IGFBP7: variants seen among roughly 807,000 people sequenced by gnomAD.
IGFBP7 encodes insulin like growth factor binding protein 7.
IGFBP7 carries 31 observed loss-of-function variants against 29.4 expected under a neutral mutation model. The observed-to-expected ratio is 1.05, with a 90% CI of 0.79 to 1.42. IGFBP7 has a LOEUF of 1.42. Among genes scored for constraint, IGFBP7 ranks in the 40% most tolerant of loss-of-function variants. The pLI is 0.00. For missense variants in IGFBP7, 393 were observed against 395.5 expected, an observed-to-expected ratio of 0.99 and a Z score of 0.05; for synonymous variants, 172 against 174.9, an observed-to-expected ratio of 0.98 and a Z score of 0.13.
chr4:57,109,253 C>T (rs1225199263), intron 1 of IGFBP7, among the ~76,000 whole-genome samples: 2 of 151,800 alleles, frequency 1.3e-5, no homozygotes, highest in Admixed American at 6.6e-5. Context: ...AACTCCGTCG[C>T]TATAAAACAA....
chr4:57,036,297 CAGG>C (rs1724084484), intron 2 of IGFBP7, among the ~76,000 whole-genome samples: 1 of 152,104 alleles, frequency 6.6e-6, no homozygotes, highest in Non-Finnish European at 1.5e-5. Flanking sequence ...TTACCTCAGG[CAGG>C]AGGAGGAGGT....
chr4:57,084,987 C>T (rs567415183), intron 1 of IGFBP7, among the ~76,000 whole-genome samples: 1 of 151,788 alleles, frequency 6.6e-6, no homozygotes, highest in South Asian at 2.1e-4. Flanking sequence ...CAGGGTCTCA[C>T]TATGTTGCCT....
At chr4:57,035,017 T>C (rs1008957183) in intron 2 of IGFBP7, among the ~76,000 whole-genome samples, 1 of 152,232 alleles carries the variant, frequency 6.6e-6, no homozygotes, top group African/African-American at 2.4e-5. Flanking sequence ...GGTAGAAGTA[T>C]TAATTTGATC....
intron 1 of IGFBP7, among the ~76,000 whole-genome samples, chr4:57,051,442 T>C (rs1447834645): frequency 1.3e-5 from 2 of 152,218 alleles, no homozygotes; most frequent in African/African-American, 4.8e-5. Context: ...TAAGGCAAAT[T>C]CATCTAGTTA....
At chr4:57,106,630 C>T (rs1439951314) in intron 1 of IGFBP7, among the ~76,000 whole-genome samples, 1 of 152,088 alleles carries the variant, frequency 6.6e-6, no homozygotes, top group East Asian at 1.9e-4. Flanking sequence ...AAGGGAGACC[C>T]TTAAGAATGA....
intron 1 of IGFBP7, among the ~76,000 whole-genome samples, chr4:57,050,347 C>A (rs2003274): frequency 6.6e-6 from 1 of 151,048 alleles, no homozygotes; most frequent in Non-Finnish European, 1.5e-5. Context: ...TGGGTTCAAG[C>A]GATTCTCCTG....
chr4:57,080,333 G>A (rs1725336368), intron 1 of IGFBP7, among the ~76,000 whole-genome samples: 2 of 152,280 alleles, frequency 1.3e-5, no homozygotes, highest in South Asian at 4.1e-4. Flanking sequence ...TCAAAGGAGG[G>A]AAATTGACAC....
At chr4:57,106,868 CA>C (rs1199096831) in intron 1 of IGFBP7, among the ~76,000 whole-genome samples, 4 of 152,150 alleles carry the variant, frequency 2.6e-5, no homozygotes, top group Non-Finnish European at 5.9e-5. Context: ...ATGGAATCTT[CA>C]AATTCCCCCT....
intron 1 of IGFBP7, among the ~76,000 whole-genome samples, chr4:57,082,568 A>T (rs11573040): frequency 6.6e-6 from 1 of 152,218 alleles, no homozygotes; most frequent in African/African-American, 2.4e-5. Context: ...GTTATGAGGA[A>T]TATCAATGAT....
intron 1 of IGFBP7, among the ~76,000 whole-genome samples, chr4:57,094,739 T>G (rs1239803092): frequency 6.6e-6 from 1 of 152,222 alleles, no homozygotes; most frequent in Non-Finnish European, 1.5e-5. Context: ...CTCGGAATCC[T>G]TGGTAGTTCT....
chr4:57,055,388 T>C (rs1044160025), intron 1 of IGFBP7, among the ~76,000 whole-genome samples: 1 of 152,168 alleles, frequency 6.6e-6, no homozygotes, highest in Non-Finnish European at 1.5e-5. Context: ...TAAAACATTG[T>C]TTTTGAGTAG....
In IGFBP7 at chr4:57,042,244, C is replaced by T. The variant is rs139302647; in HGVS notation, c.476-1311G>A. Among the ~76,000 whole-genome samples, 604 of 152,338 alleles carry T rather than the reference C, an allele frequency of 4.0e-3. 5 individuals carry two copies. Among genetic ancestry groups the T allele is most frequent in the African/African-American group, 0.014 (564 of 41,572 alleles). The stretch of plus-strand genomic sequence containing the variant: ...TATGAAAGTGGTATGACTCTCTGGT[C>T]CTGGGTTAGCTAACTATGGCCTGTG... On this transcript the variant is annotated intron_variant, in intron 1 of 4. Coordinates refer to ENST00000295666, the MANE Select transcript of IGFBP7 (RefSeq NM_001553.3).
At chr4:57,054,568 G>A (rs1188172316) in intron 1 of IGFBP7, among the ~76,000 whole-genome samples, 4 of 149,684 alleles carry the variant, frequency 2.7e-5, no homozygotes, top group Non-Finnish European at 4.4e-5. Flanking sequence ...GAACCTGGGA[G>A]GCGGAGGTTG....
chr4:57,090,169 T>C (rs1409886878), intron 1 of IGFBP7, among the ~76,000 whole-genome samples: 1 of 152,196 alleles, frequency 6.6e-6, no homozygotes, highest in African/African-American at 2.4e-5. Flanking sequence ...TGGTCATCAT[T>C]CTTCTCTTCC....
chr4:57,085,662 C>G (rs1725480816), intron 1 of IGFBP7, among the ~76,000 whole-genome samples: 1 of 152,094 alleles, frequency 6.6e-6, no homozygotes, highest in South Asian at 2.1e-4. Flanking sequence ...TCACTCTTCT[C>G]TTATATAAAA....
At chr4:57,036,995 C>A (rs774138028) in intron 2 of IGFBP7, among the ~76,000 whole-genome samples, 15 of 152,150 alleles carry the variant, frequency 9.9e-5, no homozygotes, top group South Asian at 6.2e-4. Flanking sequence ...CAGTGACTTC[C>A]CAAGTTTCCT....
chr4:57,047,995 A>C (rs1299682748), intron 1 of IGFBP7, among the ~76,000 whole-genome samples: 2 of 151,902 alleles, frequency 1.3e-5, no homozygotes, highest in Admixed American at 6.6e-5. Context: ...CGGCCTCTCA[A>C]AGTGCTGGGA....
intron 1 of IGFBP7, among the ~76,000 whole-genome samples, chr4:57,065,999 C>T (rs1241412734): frequency 2.0e-5 from 3 of 152,154 alleles, no homozygotes; most frequent in Non-Finnish European, 4.4e-5. Context: ...TGAGTTTGTG[C>T]TCAGACTCCA....
At chr4:57,095,998 G>A (rs1440201668) in intron 1 of IGFBP7, among the ~76,000 whole-genome samples, 1 of 152,034 alleles carries the variant, frequency 6.6e-6, no homozygotes, top group African/African-American at 2.4e-5. Context: ...TTAGACATTG[G>A]AGATTCAGTA....
Sources: allele counts gnomAD v4.1 joint callset (sites outside exome capture counted in the v4.1 genomes callset), GRCh38; gene constraint gnomAD v4.1.1; transcripts MANE v1.5; gene names NCBI Gene and HGNC (gene_info 2026-07-23, HGNC 2026-07-21).